The following HSD17B3 variants were observed in gnomAD, a reference collection of about 807,000 sequenced individuals.
The protein encoded by HSD17B3 is 17-beta-hydroxysteroid dehydrogenase type 3.
In HSD17B3, 29 loss-of-function variants were observed where a neutral mutation model predicts 41.1. The ratio of observed to expected loss-of-function variants is 0.71; its 90% CI spans 0.53 to 0.96. The LOEUF is 0.96. HSD17B3 is among the 40% of genes least tolerant of loss of function. HSD17B3 has a pLI of 0.00. For missense variants in HSD17B3, 323 were observed against 374.6 expected (o/e 0.86, Z 1.14); for synonymous variants, 126 against 145.6 (o/e 0.87, Z 0.97).
At chr9:96,248,728 CTCAT>C (rs949888604) in intron 6 of HSD17B3, among the ~76,000 whole-genome samples, 1 of 152,172 alleles carries the variant, frequency 6.6e-6, no homozygotes, top group Non-Finnish European at 1.5e-5. Context: ...ACACAAAATC[CTCAT>C]CTACTCACCA....
At position 96,244,382 on chromosome 9, in the gene HSD17B3, C is replaced by T. The variant is rs34862233; in HGVS notation, c.619G>A (p.Ala207Thr). The T allele has an allele frequency of 1.9e-4, 314 of 1,614,110 alleles. No homozygotes were observed. In the African/African-American group the frequency reaches 3.5e-3, roughly 18 times the overall value. The stretch of plus-strand genomic sequence containing the variant: ...TCCTCTTGCAGGGCCTTGGAAAATG[C>T]GCACACAAACGCCTGGAGCAAGAAG... ...MYSASKAFVC[A>T]FSKALQEEYK... The change falls in exon 9 of 11, where the codon GCA becomes ACA. Residue 207 changes from alanine to threonine, a missense_variant. Transcript: ENST00000375263.
Position 96,264,682 on chromosome 9 carries a change from C to T in HSD17B3, c.202-9739G>A, listed in dbSNP as rs1018772491. On this transcript the variant is annotated intron_variant, in intron 2 of 10. Transcript: ENST00000375263. ...GCCACCACGTCCAGCCCCCACACTGCGTCTGGCCTCTGTGGTAGACCTATA... is the reference window on the plus strand; with the variant it reads ...GCCACCACGTCCAGCCCCCACACTGTGTCTGGCCTCTGTGGTAGACCTATA... Among the ~76,000 whole-genome samples the T allele has an allele frequency of 2.0e-5, 3 of 152,094 alleles. No individual in the cohort carries two copies. The East Asian group carries it at 5.8e-4, about 29-fold the overall frequency.
chr9:96,257,747 C>T (rs1036165814), intron 2 of HSD17B3, among the ~76,000 whole-genome samples: 2 of 152,190 alleles, frequency 1.3e-5, no homozygotes, highest in Non-Finnish European at 2.9e-5. Flanking sequence ...TTCTACATAG[C>T]TCTTAGTATA....
At chr9:96,257,693 G>A (rs1825722176) in intron 2 of HSD17B3, among the ~76,000 whole-genome samples, 1 of 152,196 alleles carries the variant, frequency 6.6e-6, no homozygotes, top group Admixed American at 6.5e-5. Flanking sequence ...CACTTAGGGT[G>A]TTTTCAAGTT....
chr9:96,295,978 G>A (rs974858748), intron 2 of HSD17B3, among the ~76,000 whole-genome samples: 3 of 152,126 alleles, frequency 2.0e-5, no homozygotes, highest in Non-Finnish European at 1.5e-5. Context: ...GCCAGGCATG[G>A]TGGCTCATGT....
At chr9:96,264,995 T>C (rs1363410578) in intron 2 of HSD17B3, among the ~76,000 whole-genome samples, 7 of 152,238 alleles carry the variant, frequency 4.6e-5, no homozygotes, top group Non-Finnish European at 7.3e-5. Flanking sequence ...AAGCTGATGA[T>C]TGCTTGAGTT....
intron 2 of HSD17B3, among the ~76,000 whole-genome samples, chr9:96,267,106 A>T (rs950874138): frequency 1.3e-5 from 2 of 152,074 alleles, no homozygotes; most frequent in African/African-American, 4.8e-5. Flanking sequence ...AGACTGCCAG[A>T]CAAACGCGGG....
chr9:96,236,514 CATAAATAAATAA>C (rs10524217), intron 10 of HSD17B3, among the ~76,000 whole-genome samples: 291 of 137,176 alleles, frequency 2.1e-3, no homozygotes, highest in Admixed American at 3.5e-3. Context: ...GAGAGTCTGT[CATAAATAAATAA>C]ATAAATAAAT....
At chr9:96,268,487 GATGATA>G (rs1234920194) in intron 2 of HSD17B3, among the ~76,000 whole-genome samples, 1 of 152,030 alleles carries the variant, frequency 6.6e-6, no homozygotes, top group Non-Finnish European at 1.5e-5. Flanking sequence ...ATAATAACAA[GATGATA>G]ATGATAATAA....
At chr9:96,269,909 GAAAAAAA>G (rs59947729) in intron 2 of HSD17B3, among the ~76,000 whole-genome samples, 3 of 103,880 alleles carry the variant, frequency 2.9e-5, no homozygotes, top group Non-Finnish European at 5.8e-5. Flanking sequence ...ATCTTAAAAA[GAAAAAAA>G]AAAAAAAAAA....
intron 3 of HSD17B3, 34 bp from the exon 4 acceptor site, chr9:96,252,944 G>T: frequency 7.3e-7 from 1 of 1,373,580 alleles, no homozygotes; most frequent in Non-Finnish European, 1.0e-6. Flanking sequence ...TTAATGAACA[G>T]GGATCCAAAT....
intron 2 of HSD17B3, among the ~76,000 whole-genome samples, chr9:96,259,006 G>A (rs1026434343): frequency 6.6e-6 from 1 of 152,186 alleles, no homozygotes; most frequent in Admixed American, 6.5e-5. Context: ...TTACCGCCAG[G>A]TCTCTAAGAT....
At chr9:96,284,840 A>AG (rs1826846878) in intron 2 of HSD17B3, among the ~76,000 whole-genome samples, 1 of 58,282 alleles carries the variant, frequency 1.7e-5, no homozygotes, top group African/African-American at 5.4e-5. Context: ...CATCAAAGCC[A>AG]ATTTTTTTTT....
rs747176985 is a variant in HSD17B3 at position 96,244,355 on chromosome 9, ATTCCTC to A, written c.640_645del (p.Glu214_Glu215del). 1.9e-6 allele frequency: 3 copies of A among 1,614,162 alleles called. No homozygotes were observed. The highest frequency in any genetic ancestry group is 2.5e-6 in the Non-Finnish European group (3 of 1,180,022). Reference sequence around the variant, plus strand: ...TGGATGATGACTTCTTTTGCTTTATATTCCTCTTGCAGGGCCTTGGAAAATGCGCAC... The same window carrying A: ...TGGATGATGACTTCTTTTGCTTTATATTGCAGGGCCTTGGAAAATGCGCAC... On this transcript the variant is annotated inframe_deletion, in exon 9 of 11. Transcript: ENST00000375263.
At chr9:96,291,313 T>C (rs1827147060) in intron 2 of HSD17B3, among the ~76,000 whole-genome samples, 1 of 151,212 alleles carries the variant, frequency 6.6e-6, no homozygotes, top group African/African-American at 2.4e-5. Context: ...CCAGCCAGAG[T>C]GGTATCAGCA....
intron 9 of HSD17B3, among the ~76,000 whole-genome samples, chr9:96,242,126 C>A (rs554540326): frequency 4.0e-5 from 6 of 151,694 alleles, no homozygotes; most frequent in African/African-American, 1.5e-4. Context: ...AATTATGAAT[C>A]AATTAATCCA....
At chr9:96,249,658 C>T (rs755181802) in intron 6 of HSD17B3, 93 bp downstream of exon 6, 11 of 1,141,166 alleles carry the variant, frequency 9.6e-6, no homozygotes, top group Admixed American at 3.4e-5. Context: ...TCAAAGAATC[C>T]TGCTTCTACA....
intron 6 of HSD17B3, among the ~76,000 whole-genome samples, chr9:96,247,513 C>T (rs1460727062): frequency 3.9e-5 from 6 of 152,212 alleles, no homozygotes; most frequent in Middle Eastern, 3.2e-3. Flanking sequence ...GGAATGTCTT[C>T]GCTGCTGGGG....
chr9:96,289,525 A>G (rs1388616670), intron 2 of HSD17B3, among the ~76,000 whole-genome samples: 1 of 152,118 alleles, frequency 6.6e-6, no homozygotes, highest in African/African-American at 2.4e-5. Context: ...AGGATGGCTA[A>G]AGAATTAAGC....
Sources: allele counts gnomAD v4.1 joint callset (sites outside exome capture counted in the v4.1 genomes callset), GRCh38; gene constraint gnomAD v4.1.1; transcripts MANE v1.5; gene names NCBI Gene and HGNC (gene_info 2026-07-23, HGNC 2026-07-21).